The following NIBAN1 variants were observed in gnomAD, a reference collection of about 807,000 sequenced individuals.
NIBAN1 encodes niban apoptosis regulator 1.
Under a neutral mutation model 75.1 loss-of-function variants are expected in NIBAN1, and 81 were observed. The ratio of observed to expected loss-of-function variants is 1.08; its 90% confidence interval spans 0.90 to 1.30. NIBAN1 has a LOEUF of 1.30. NIBAN1 is among the 50% of genes most tolerant of loss of function. NIBAN1 has a pLI of 0.00. For synonymous variants in NIBAN1, 436 were observed against 424.8 expected, an observed-to-expected ratio of 1.03 and a Z score of -0.32; for missense variants, 1,133 against 1,128.1, an observed-to-expected ratio of 1.00 and a Z score of -0.06.
At chr1:184,802,771 T>A (rs2102187879) in intron 12 of NIBAN1, among the ~76,000 whole-genome samples, 1 of 152,322 alleles carries the variant, frequency 6.6e-6, no homozygotes, top group South Asian at 2.1e-4. Flanking sequence ...TTCAGGTTAA[T>A]AGATTATTTT....
chr1:184,965,523 T>A (rs1312641411), intron 1 of NIBAN1, among the ~76,000 whole-genome samples: 2 of 152,168 alleles, frequency 1.3e-5, no homozygotes, highest in African/African-American at 4.8e-5. Flanking sequence ...TCATTATTCT[T>A]AGCAAACTAA....
Position 184,794,995 on chromosome 1 carries a change from C to G in NIBAN1, c.2769G>C (p.Glu923Asp). The change falls in exon 14 of 14, where the codon GAG becomes GAC. Residue 923 changes from glutamate (E) to aspartate (D), a missense_variant. Physicochemically the swap from Glu to Asp is conservative, Grantham distance 45. Transcript: ENST00000367511. Reference sequence around the variant, plus strand: ...GTCCCTTTCACTCCTCTGAGGGCAGCTCTGGGAAACTCTCCTGACCACCTT... The same window carrying G: ...GTCCCTTTCACTCCTCTGAGGGCAGGTCTGGGAAACTCTCCTGACCACCTT... ...EGEGGQESFP[E>D]LPSEE 6.2e-7 allele frequency: 1 copy of G among 1,611,144 alleles called. No individual in the cohort carries two copies. Among genetic ancestry groups the G allele is most frequent in the Non-Finnish European group, 8.5e-7 (1 of 1,180,016 alleles).
chr1:184,957,238 C>A (rs1658514075), intron 1 of NIBAN1, among the ~76,000 whole-genome samples: 1 of 152,218 alleles, frequency 6.6e-6, no homozygotes, highest in African/African-American at 2.4e-5. Context: ...AGAAGGGTGT[C>A]TTCCTATTGT....
intron 4 of NIBAN1, among the ~76,000 whole-genome samples, chr1:184,885,759 C>T (rs1316247883): frequency 6.6e-6 from 1 of 152,230 alleles, no homozygotes; most frequent in Non-Finnish European, 1.5e-5. Context: ...CCATTTATGT[C>T]ATCCTGACTG....
intron 1 of NIBAN1, among the ~76,000 whole-genome samples, chr1:184,932,297 T>C (rs1657843416): frequency 6.6e-6 from 1 of 152,190 alleles, no homozygotes; most frequent in South Asian, 2.1e-4. Context: ...CTCACCATAA[T>C]GTACAATTAG....
chr1:184,927,542 G>A (rs1657712637), intron 1 of NIBAN1, among the ~76,000 whole-genome samples: 1 of 152,054 alleles, frequency 6.6e-6, no homozygotes. Context: ...CTGGAGCTGG[G>A]GAAGGGGTGA....
chr1:184,845,203 G>A (rs1322972680), intron 5 of NIBAN1, among the ~76,000 whole-genome samples: 1 of 152,188 alleles, frequency 6.6e-6, no homozygotes, highest in Non-Finnish European at 1.5e-5. Flanking sequence ...CTCACTAAGG[G>A]ATCCATTTAA....
At chr1:184,822,105 G>A (rs1006631087) in intron 8 of NIBAN1, among the ~76,000 whole-genome samples, 3 of 152,304 alleles carry the variant, frequency 2.0e-5, no homozygotes, top group South Asian at 4.1e-4. Flanking sequence ...TTAGTCCACA[G>A]TTTCTAATGA....
intron 5 of NIBAN1, chr1:184,868,555 C>T (rs531646118): frequency 9.2e-5 from 14 of 152,150 alleles, no homozygotes; most frequent in Non-Finnish European, 1.9e-4. Context: ...TAAGGCACAA[C>T]TTCATGTTTA....
intron 1 of NIBAN1, among the ~76,000 whole-genome samples, chr1:184,952,528 T>G (rs1486776246): frequency 1.3e-5 from 2 of 152,188 alleles, no homozygotes; most frequent in African/African-American, 4.8e-5. Flanking sequence ...TCTTGGGCCA[T>G]ACATAAAATA....
chr1:184,884,874 G>A (rs1325735853), intron 4 of NIBAN1, 74 bp from the exon 5 acceptor site: 2 of 1,530,674 alleles, frequency 1.3e-6, no homozygotes, highest in African/African-American at 2.7e-5. Flanking sequence ...TTCAGGTCGT[G>A]AGGGTGACTA....
intron 5 of NIBAN1, among the ~76,000 whole-genome samples, chr1:184,883,788 C>T (rs1043256651): frequency 1.3e-4 from 20 of 152,154 alleles, no homozygotes; most frequent in Non-Finnish European, 2.9e-4. Flanking sequence ...TTAAGTTCTC[C>T]TGGTGATTCT....
chr1:184,944,978 AGAATT>A (rs1430474824), intron 1 of NIBAN1, among the ~76,000 whole-genome samples: 1 of 152,226 alleles, frequency 6.6e-6, no homozygotes, highest in Non-Finnish European at 1.5e-5. Flanking sequence ...CATTCGAAAA[AGAATT>A]AAATAAGAGG....
chr1:184,827,776 G>A (rs1396878317), intron 6 of NIBAN1, among the ~76,000 whole-genome samples: 3 of 151,780 alleles, frequency 2.0e-5, no homozygotes, highest in Non-Finnish European at 4.4e-5. Flanking sequence ...GGTCCAGAGA[G>A]ACCACCCTCC....
Position 184,876,128 on chromosome 1 carries a change from G to A in NIBAN1, c.601+8505C>T, listed in dbSNP as rs370453968. On this transcript the variant is annotated intron_variant, in intron 5 of 13. Transcript: ENST00000367511. ...GCAGAAGTTGCAGTGAGCCAAGATC[G>A]CGCCATTGCATTCCAGCTTGGGTAA... Among the ~76,000 whole-genome samples, 8 of 151,264 alleles carry A rather than the reference G, an allele frequency of 5.3e-5. No individual in the cohort carries two copies. In the East Asian group the frequency reaches 7.9e-4, roughly 15 times the overall value.
At chr1:184,871,234 C>T (rs1656098039) in intron 5 of NIBAN1, among the ~76,000 whole-genome samples, 1 of 150,762 alleles carries the variant, frequency 6.6e-6, no homozygotes, top group Non-Finnish European at 1.5e-5. Flanking sequence ...GTAATCCCAG[C>T]TGCTTGGGAG....
At chr1:184,868,739 T>C (rs1350590290) in intron 5 of NIBAN1, among the ~76,000 whole-genome samples, 1 of 115,832 alleles carries the variant, frequency 8.6e-6, no homozygotes, top group South Asian at 3.2e-4. Flanking sequence ...TAGATTTTTT[T>C]TAAAAATATC....
intron 9 of NIBAN1, among the ~76,000 whole-genome samples, chr1:184,808,942 G>A (rs1033111239): frequency 2.6e-5 from 4 of 152,178 alleles, no homozygotes; most frequent in South Asian, 2.1e-4. Flanking sequence ...GCAACAGAAT[G>A]CATTCTGTTT....
intron 8 of NIBAN1, 78 bp downstream of exon 8, chr1:184,823,089 C>A (rs1306610800): frequency 2.0e-6 from 3 of 1,496,550 alleles, no homozygotes; most frequent in Non-Finnish European, 2.7e-6. Flanking sequence ...CCTCTGAAAC[C>A]ATGCATTCCT....
Sources: allele counts gnomAD v4.1 joint callset (sites outside exome capture counted in the v4.1 genomes callset), GRCh38; gene constraint gnomAD v4.1.1; transcripts MANE v1.5; gene names NCBI Gene and HGNC (gene_info 2026-07-23, HGNC 2026-07-21).